POU6F2: variants seen among roughly 807,000 people sequenced by gnomAD.
POU6F2 encodes POU class 6 homeobox 2, also known as POU domain, class 6, transcription factor 2.
Under a neutral mutation model 71.3 loss-of-function variants are expected in POU6F2, and 31 were observed. The ratio of observed to expected loss-of-function variants is 0.43; its 90% CI spans 0.33 to 0.59. The LOEUF (loss-of-function observed/expected upper bound fraction) is 0.59. Among genes scored for constraint, POU6F2 ranks in the 20% least tolerant of loss-of-function variants. The pLI, the probability that POU6F2 is intolerant of heterozygous loss-of-function variation, is 0.04. For missense variants in POU6F2, 783 were observed against 856.8 expected (o/e 0.91, Z 1.07); for synonymous variants, 347 against 355.7 (o/e 0.98, Z 0.27).
intron 4 of POU6F2, among the ~76,000 whole-genome samples, chr7:39,245,485 G>C (rs527350051): frequency 6.6e-6 from 1 of 152,292 alleles, no homozygotes; most frequent in East Asian, 1.9e-4. Context: ...ATATCTACCA[G>C]TTAGAAAGAA....
At chr7:39,313,156 G>A (rs1240872518) in intron 4 of POU6F2, among the ~76,000 whole-genome samples, 1 of 151,928 alleles carries the variant, frequency 6.6e-6, no homozygotes, top group Non-Finnish European at 1.5e-5. Flanking sequence ...TATCTTTCCA[G>A]CCCCATCCCC....
rs1389277307 is a variant in POU6F2 at position 39,466,296 on chromosome 7, A to AACTT, written c.*1612_*1615dup. On this transcript the variant is annotated 3_prime_UTR_variant, in exon 10 of 10. Coordinates refer to ENST00000518318, the MANE Select transcript of POU6F2 (RefSeq NM_001370959.1). ...GAGGATTATTTCCTTTAAAAAAAAT[A>AACTT]ACTTAAAAGATCTGTGGGCCACAAT... 6.6e-6 allele frequency: 1 copy of AACTT among 152,164 alleles called. No individual in the cohort carries two copies. Among genetic ancestry groups the AACTT allele is most frequent in the Non-Finnish European group, 1.5e-5 (1 of 68,042 alleles). 9.4% of individuals were successfully genotyped at this position (152,164 alleles called of 1,614,324 possible).
intron 4 of POU6F2, among the ~76,000 whole-genome samples, chr7:39,335,125 T>A (rs942991473): frequency 1.8e-4 from 28 of 152,330 alleles, no homozygotes; most frequent in African/African-American, 6.0e-4. Flanking sequence ...TTTCTTACCA[T>A]CAAGGTAAAC....
chr7:39,015,843 T>TATAGA (rs1315044289), intron 1 of POU6F2, among the ~76,000 whole-genome samples: 4 of 60,096 alleles, frequency 6.7e-5, no homozygotes, highest in African/African-American at 1.1e-4. Context: ...ATATAATATA[T>TATAGA]TATATATAGA....
intron 6 of POU6F2, among the ~76,000 whole-genome samples, chr7:39,428,576 T>C (rs966050260): frequency 3.3e-5 from 5 of 152,190 alleles, no homozygotes; most frequent in Admixed American, 6.5e-5. Context: ...GCCATGCTTT[T>C]TGAATTGAAG....
At chr7:38,996,961 T>C (rs987668044) in intron 1 of POU6F2, among the ~76,000 whole-genome samples, 1 of 152,222 alleles carries the variant, frequency 6.6e-6, no homozygotes, top group Non-Finnish European at 1.5e-5. Flanking sequence ...TCCAGACTTT[T>C]GTTCCTCTTG....
At chr7:39,294,568 A>G (rs1784815328) in intron 4 of POU6F2, among the ~76,000 whole-genome samples, 1 of 151,980 alleles carries the variant, frequency 6.6e-6, no homozygotes, top group Non-Finnish European at 1.5e-5. Context: ...ATCTCAGTTG[A>G]TGTTTTTATA....
intron 1 of POU6F2, among the ~76,000 whole-genome samples, chr7:39,004,434 T>C (rs887920389): frequency 1.3e-5 from 2 of 152,212 alleles, no homozygotes; most frequent in African/African-American, 4.8e-5. Context: ...TTCTGGACAT[T>C]TTGAATGAGA....
chr7:39,460,606 GC>G lies in POU6F2; in HGVS notation c.1551del (p.Ala519LeufsTer11), dbSNP rs1392852372. On this transcript the variant is annotated frameshift_variant, in exon 9 of 10. Coordinates refer to ENST00000518318, the MANE Select transcript of POU6F2 (RefSeq NM_001370959.1). LOFTEE classifies it high-confidence loss of function. This position sits in a 1 kb window ranked among gnomAD's most constrained non-coding sequence, Gnocchi z 4.4. ...TAATCTGGAGGAGATCCGAGAATTTGCCAAAGCTTTTAAAATCCGGCGCCTG... is the reference window on the plus strand; with the variant it reads ...TAATCTGGAGGAGATCCGAGAATTTGCAAAGCTTTTAAAATCCGGCGCCTG... ...GVNLEEIREF[A>X]KAFKIRRLSL... 6.2e-7 allele frequency: 1 copy of G among 1,612,904 alleles called. No homozygotes were observed. The highest frequency in any genetic ancestry group is 8.5e-7 in the Non-Finnish European group (1 of 1,179,538).
intron 5 of POU6F2, among the ~76,000 whole-genome samples, chr7:39,386,734 A>G (rs1029334113): frequency 2.0e-5 from 3 of 152,210 alleles, no homozygotes; most frequent in Non-Finnish European, 4.4e-5. Context: ...AAGAGCAAGA[A>G]GAAGTTGGAT....
intron 2 of POU6F2, among the ~76,000 whole-genome samples, chr7:39,190,417 TAAAAAAAA>T (rs57872350): frequency 1.7e-4 from 10 of 59,906 alleles, no homozygotes; most frequent in Admixed American, 8.3e-4. Flanking sequence ...CTCCTTTTCT[TAAAAAAAA>T]AAAAAAAAAA....
chr7:38,983,487 G>A (rs1788380010), intron 1 of POU6F2, among the ~76,000 whole-genome samples: 4 of 151,622 alleles, frequency 2.6e-5, no homozygotes, highest in South Asian at 4.1e-4. Flanking sequence ...GCTCTGTTGA[G>A]CCATATTGTC....
chr7:39,176,697 C>T (rs1256854300), intron 2 of POU6F2, among the ~76,000 whole-genome samples: 1 of 152,154 alleles, frequency 6.6e-6, no homozygotes, highest in Admixed American at 6.5e-5. Context: ...AAAGAAAATG[C>T]ATGCATACAA....
At chr7:39,151,561 T>C (rs939185707) in intron 2 of POU6F2, among the ~76,000 whole-genome samples, 4 of 152,202 alleles carry the variant, frequency 2.6e-5, no homozygotes, top group Non-Finnish European at 5.9e-5. Flanking sequence ...ATTTCTATGA[T>C]GCATCATCTG....
chr7:39,078,335 C>T (rs899274976), intron 1 of POU6F2, among the ~76,000 whole-genome samples: 1 of 152,148 alleles, frequency 6.6e-6, no homozygotes, highest in Non-Finnish European at 1.5e-5. Context: ...AAAACACTTG[C>T]TAGACCATTA....
intron 2 of POU6F2, among the ~76,000 whole-genome samples, chr7:39,125,780 G>A (rs1370465688): frequency 6.6e-6 from 1 of 152,094 alleles, no homozygotes; most frequent in African/African-American, 2.4e-5. Context: ...AATGCACTGG[G>A]TCTTTCTCTC....
intron 9 of POU6F2, among the ~76,000 whole-genome samples, chr7:39,463,677 C>G (rs1233014735): frequency 6.6e-6 from 1 of 152,090 alleles, no homozygotes; most frequent in East Asian, 1.9e-4. Context: ...CCATCAGTGA[C>G]TATGATAATA....
intron 1 of POU6F2, among the ~76,000 whole-genome samples, chr7:39,054,409 C>A (rs1790464717): frequency 6.6e-6 from 1 of 152,098 alleles, no homozygotes; most frequent in Non-Finnish European, 1.5e-5. Context: ...AAGCAACTTA[C>A]TCAAACCTCC....
chr7:39,456,651 T>C (rs996427041), intron 8 of POU6F2, among the ~76,000 whole-genome samples: 3 of 152,190 alleles, frequency 2.0e-5, no homozygotes, highest in African/African-American at 7.2e-5. Context: ...TCAGAACCCA[T>C]GGAGCAAAAC....
Sources: gnomAD v4.1 joint callset for allele counts (sites outside exome capture counted in the v4.1 genomes callset) on GRCh38, gnomAD v4.1.1 for gene constraint, Gnocchi (gnomAD v3.1) non-coding constraint, MANE v1.5 for transcripts, NCBI Gene and HGNC (gene_info 2026-07-23, HGNC 2026-07-21) for gene names.